The following DEFB132 variants were observed in gnomAD, a reference collection of about 807,000 sequenced individuals.
DEFB132 encodes beta-defensin 132.
Under a neutral mutation model 2.5 loss-of-function variants are expected in DEFB132, and 5 were observed. The ratio of observed to expected loss-of-function variants is 2.00; its 90% CI spans 1.04 to 4.20. The LOEUF is 4.20. Among genes scored for constraint, DEFB132 ranks in the 30% most tolerant of loss-of-function variants. The pLI, the probability that DEFB132 is intolerant of heterozygous loss-of-function variation, is 0.00. For synonymous variants in DEFB132, 53 were observed against 46.2 expected (o/e 1.15, Z -0.60); for missense variants, 112 against 110.0 (o/e 1.02, Z -0.08).
Position 260,571 on chromosome 20 carries a change from G to A in DEFB132, c.*1265G>A, listed in dbSNP as rs992103191. On this transcript the variant is annotated 3_prime_UTR_variant, in exon 2 of 2. Coordinates refer to ENST00000382376, the MANE Select transcript of DEFB132 (RefSeq NM_207469.3). Reference sequence around the variant, plus strand: ...ATGCATAAATTTCCTCTTACAGTTCGATGCCCATTAGTTTTATATAACATT... The same window carrying A: ...ATGCATAAATTTCCTCTTACAGTTCAATGCCCATTAGTTTTATATAACATT... 1.3e-5 allele frequency: 2 copies of A among 152,116 alleles called. No individual in the cohort carries two copies. The highest frequency in any genetic ancestry group is 1.5e-5 in the Non-Finnish European group (1 of 67,992). 9.4% of individuals were successfully genotyped at this position (152,116 alleles called of 1,614,324 possible). A position where few individuals can be genotyped will look rare whatever the true frequency, so the allele number is the denominator to read the frequency against.
Position 259,362 on chromosome 20 carries a change from T to G in DEFB132, c.*56T>G. 6.4e-7 allele frequency: 1 copy of G among 1,572,896 alleles called. No homozygotes were observed. The highest frequency in any genetic ancestry group is 8.7e-7 in the Non-Finnish European group (1 of 1,155,130). On this transcript the variant is annotated 3_prime_UTR_variant, in exon 2 of 2. Coordinates refer to ENST00000382376, the MANE Select transcript of DEFB132 (RefSeq NM_207469.3). Reference sequence around the variant, plus strand: ...AGAAATATCATTTCCACAGTTCCAATTCCTCCTACATTGCTGAGTACTAGC... The same window carrying G: ...AGAAATATCATTTCCACAGTTCCAAGTCCTCCTACATTGCTGAGTACTAGC...
At position 257,753 on chromosome 20, in the gene DEFB132, C is replaced by A; in HGVS notation, c.-26C>A. On this transcript the variant is annotated 5_prime_UTR_variant, in exon 1 of 2. Transcript: ENST00000382376. ...GGACCCAACTCCATTAAACCACCACCAGCTCCCCAAGCCACCCCTTCAGCC... is the reference window on the plus strand; with the variant it reads ...GGACCCAACTCCATTAAACCACCACAAGCTCCCCAAGCCACCCCTTCAGCC... 1 of 1,604,104 alleles carries A rather than the reference C, an allele frequency of 6.2e-7. No homozygotes were observed. The highest frequency in any genetic ancestry group is 2.2e-5 in the East Asian group (1 of 44,564).
chr20:259,338 G>A lies in DEFB132; in HGVS notation c.*32G>A, dbSNP rs2011616887. 6.2e-7 allele frequency: 1 copy of A among 1,605,570 alleles called. No individual in the cohort carries two copies. Among genetic ancestry groups the A allele is most frequent in the East Asian group, 2.2e-5 (1 of 44,828 alleles). On this transcript the variant is annotated 3_prime_UTR_variant, in exon 2 of 2. Transcript: ENST00000382376. ...CTGCTATCGCCTCCACCAACTCAGA[G>A]AAATATCATTTCCACAGTTCCAATT...
rs75487276 is a variant in DEFB132 at position 259,518 on chromosome 20, C to T, written c.*212C>T. 2.4e-3 allele frequency: 1,376 copies of T among 580,494 alleles called. 2 individuals are homozygous for T. Among genetic ancestry groups the T allele is most frequent in the East Asian group, 7.0e-3 (234 of 33,290 alleles). The allele number at this position is 580,494 out of a possible 1,614,324, so 36.0% of individuals were successfully genotyped here. A position where few individuals can be genotyped will look rare whatever the true frequency, so the allele number is the denominator to read the frequency against. On this transcript the variant is annotated 3_prime_UTR_variant, in exon 2 of 2. Coordinates refer to ENST00000382376, the MANE Select transcript of DEFB132 (RefSeq NM_207469.3). ...TACGAGAACAATCATCATGCAGATT[C>T]GTCCACAGGGGATCTGTCAGTTTGG...
At position 259,214 on chromosome 20, in the gene DEFB132, G is replaced by T; in HGVS notation, c.196G>T (p.Asp66Tyr). 1 of 1,612,038 alleles carries T rather than the reference G, an allele frequency of 6.2e-7. No individual in the cohort carries two copies. The highest frequency in any genetic ancestry group is 1.1e-5 in the South Asian group (1 of 91,036). ...CAGCTACTCCTTCCTGCCGAAGCCT[G>T]ACCTACCACAGCTCATCGGTAACCA... is the stretch of plus-strand genomic sequence containing the variant. The part of the protein sequence containing the change: ...CISYSFLPKP[D>Y]LPQLIGNHWQ... Residue 66 changes from aspartate to tyrosine, a missense_variant, in exon 2 of 2, where the codon GAC becomes TAC. By Grantham distance (160) the Asp-to-Tyr change is radical. Coordinates refer to ENST00000382376, the MANE Select transcript of DEFB132 (RefSeq NM_207469.3).
rs2011634625 is a variant in DEFB132, at chr20:260,658, T to A, written c.*1352T>A. ...AACCAAAACACTCAGGCCTAAATAA[T>A]TAAAAACGGTCCTAAAAACTAGCAA... On this transcript the variant is annotated 3_prime_UTR_variant, in exon 2 of 2. Transcript: ENST00000382376. 6.6e-6 allele frequency: 1 copy of A among 152,142 alleles called. No homozygotes were observed. Among genetic ancestry groups the A allele is most frequent in the Non-Finnish European group, 1.5e-5 (1 of 68,010 alleles). 9.4% of individuals were successfully genotyped at this position (152,142 alleles called of 1,614,324 possible).
rs2011626832 is a variant in DEFB132, at chr20:260,082, A to C, written c.*776A>C. ...TATTTATTTATTCATTTGAGTAACA[A>C]AGCAGACAGAATACATAGCCACCAT... On this transcript the variant is annotated 3_prime_UTR_variant, in exon 2 of 2. Transcript: ENST00000382376. The C allele has an allele frequency of 6.6e-6, 1 of 152,272 alleles. No individual in the cohort carries two copies. The highest frequency in any genetic ancestry group is 1.9e-4 in the East Asian group (1 of 5,200). The allele number at this position is 152,272 out of a possible 1,614,324, so 9.4% of individuals were successfully genotyped here.
chr20:257,900 T>C (rs2011599526), intron 1 of DEFB132, 64 bp downstream of exon 1: 2 of 1,536,786 alleles, frequency 1.3e-6, no homozygotes, highest in East Asian at 2.3e-5. Flanking sequence ...ATCTGGTTGC[T>C]CTGGTGATAG....
At chr20:258,657 A>G (rs1174384103) in intron 1 of DEFB132, among the ~76,000 whole-genome samples, 1 of 152,142 alleles carries the variant, frequency 6.6e-6, no homozygotes, top group Non-Finnish European at 1.5e-5. Context: ...TCATATTTAC[A>G]GTTTTAGAGT....
At position 257,883 on chromosome 20, in the gene DEFB132, C is replaced by T. The variant is rs569102473; in HGVS notation, c.58+47C>T. The T allele has an allele frequency of 5.1e-6, 8 of 1,581,088 alleles. No individual in the cohort carries two copies. In the East Asian group the frequency reaches 1.6e-4, roughly 31 times the overall value. ...AAAGGAAAACTGGGAACGAGGAACA[C>T]TAGCATATCTGGTTGCTCTGGTGAT... is the stretch of plus-strand genomic sequence containing the variant. On this transcript the variant is annotated intron_variant, in intron 1 of 1. Transcript: ENST00000382376.
Position 260,858 on chromosome 20 carries a change from A to G in DEFB132, c.*1552A>G, listed in dbSNP as rs1419840078. On this transcript the variant is annotated 3_prime_UTR_variant, in exon 2 of 2. Transcript: ENST00000382376. ...AAATATAACAATAGAGGCAGAACTC[A>G]TGTAAGAATAAATTGATTAGGTGGT... The G allele has an allele frequency of 6.6e-6, 1 of 152,268 alleles. No individual in the cohort carries two copies. The highest frequency in any genetic ancestry group is 2.4e-5 in the African/African-American group (1 of 41,472). The allele number at this position is 152,268 out of a possible 1,614,324, so 9.4% of individuals were successfully genotyped here.
rs747422861 is a variant in DEFB132 at position 257,811 on chromosome 20, C to T, written c.33C>T (p.Leu11=). The stretch of plus-strand genomic sequence containing the variant: ...TCCTGCTCCTGGTCTTGGCAGCCCT[C>T]GGATTCCTGACCCAGGTGATCCCAG... The part of the protein sequence containing the change: MKFLLLVLAA[L]GFLTQVIPAS... The change falls in exon 1 of 2, where the codon CTC becomes CTT. Residue 11 remains leucine (L), a synonymous_variant. Coordinates refer to ENST00000382376, the MANE Select transcript of DEFB132 (RefSeq NM_207469.3). The T allele has an allele frequency of 5.6e-6, 9 of 1,609,106 alleles. No individual in the cohort carries two copies. Among genetic ancestry groups the T allele is most frequent in the South Asian group, 3.3e-5 (3 of 90,516 alleles).
chr20:258,882 G>C (rs1052944526), intron 1 of DEFB132, among the ~76,000 whole-genome samples, 195 bp from the exon 2 acceptor site: 10 of 152,150 alleles, frequency 6.6e-5, no homozygotes, highest in African/African-American at 2.2e-4. Flanking sequence ...GAGCTCGTCA[G>C]ACAGAGTTCC....
intron 1 of DEFB132, among the ~76,000 whole-genome samples, chr20:258,405 G>T (rs188178509): frequency 6.6e-6 from 1 of 152,264 alleles, no homozygotes; most frequent in Non-Finnish European, 1.5e-5. Flanking sequence ...GAGAGAGAGA[G>T]ATCAGAGGAG....
At position 259,346 on chromosome 20, in the gene DEFB132, A is replaced by C; in HGVS notation, c.*40A>C. 2.8e-4 allele frequency: 453 copies of C among 1,594,338 alleles called. No homozygotes were observed. Among genetic ancestry groups the C allele is most frequent in the Non-Finnish European group, 3.7e-4 (426 of 1,166,730 alleles). On this transcript the variant is annotated 3_prime_UTR_variant, in exon 2 of 2. Transcript: ENST00000382376. ...GCCTCCACCAACTCAGAGAAATATC[A>C]TTTCCACAGTTCCAATTCCTCCTAC...
At position 259,944 on chromosome 20, in the gene DEFB132, C is replaced by A. The variant is rs540008092; in HGVS notation, c.*638C>A. 1.2e-3 allele frequency: 184 copies of A among 154,116 alleles called. 1 individual carries two copies. Among genetic ancestry groups the A allele is most frequent in the African/African-American group, 4.2e-3 (175 of 41,560 alleles). 9.5% of individuals were successfully genotyped at this position (154,116 alleles called of 1,614,324 possible). A position where few individuals can be genotyped will look rare whatever the true frequency, so the allele number is the denominator to read the frequency against. ...ACCAACTATCCCCTTGAAGCAAGTT[C>A]TCTTGAAAGGAAATCTAAACAGTGC... On this transcript the variant is annotated 3_prime_UTR_variant, in exon 2 of 2. Transcript: ENST00000382376.
chr20:257,882 A>C, intron 1 of DEFB132, 46 bp downstream of exon 1: 2 of 1,584,638 alleles, frequency 1.3e-6, no homozygotes, highest in Non-Finnish European at 1.7e-6. Flanking sequence ...AACGAGGAAC[A>C]CTAGCATATC....
At position 257,783 on chromosome 20, in the gene DEFB132, A is replaced by T; in HGVS notation, c.5A>T (p.Lys2Met). 6.4e-7 allele frequency: 1 copy of T among 1,552,524 alleles called. No homozygotes were observed. Among genetic ancestry groups the T allele is most frequent in the Non-Finnish European group, 8.7e-7 (1 of 1,151,626 alleles). Residue 2 changes from lysine to methionine, a missense_variant, in exon 1 of 2, where the codon AAG becomes ATG. Coordinates refer to ENST00000382376, the MANE Select transcript of DEFB132 (RefSeq NM_207469.3). MKFLLLVLAALG... is the reference protein window; with the variant it reads MMFLLLVLAALG... ...CCCCAAGCCACCCCTTCAGCCATGAAGTTCCTGCTCCTGGTCTTGGCAGCC... is the reference window on the plus strand; with the variant it reads ...CCCCAAGCCACCCCTTCAGCCATGATGTTCCTGCTCCTGGTCTTGGCAGCC...
Position 259,769 on chromosome 20 carries a change from G to A in DEFB132, c.*463G>A, listed in dbSNP as rs139089372. Reference sequence around the variant, plus strand: ...AAAGTCTCAGCCAAACAGATGGGGAGGCCCAAAGCAAGGCTTGCCCCTCAG... The same window carrying A: ...AAAGTCTCAGCCAAACAGATGGGGAAGCCCAAAGCAAGGCTTGCCCCTCAG... On this transcript the variant is annotated 3_prime_UTR_variant, in exon 2 of 2. Transcript: ENST00000382376. 153 of 194,148 alleles carry A rather than the reference G, an allele frequency of 7.9e-4. No individual in the cohort carries two copies. The highest frequency in any genetic ancestry group is 2.1e-3 in the African/African-American group (87 of 42,024). The allele number at this position is 194,148 out of a possible 1,614,324, so 12.0% of individuals were successfully genotyped here.
Sources: allele counts gnomAD v4.1 joint callset (sites outside exome capture counted in the v4.1 genomes callset), GRCh38; gene constraint gnomAD v4.1.1; transcripts MANE v1.5; gene names NCBI Gene and HGNC (gene_info 2026-07-23, HGNC 2026-07-21).